The following NKD1 variants were observed in gnomAD, a reference collection of about 807,000 sequenced individuals.
NKD1 encodes protein naked cuticle homolog 1.
Under a neutral mutation model 56.0 loss-of-function variants are expected in NKD1, and 21 were observed. That is an observed-to-expected ratio of 0.38 (90% confidence interval 0.27 to 0.54). NKD1 has a LOEUF of 0.54. NKD1 is among the 20% of genes least tolerant of loss of function. The pLI is 0.82. For synonymous variants in NKD1, 263 were observed against 265.7 expected (o/e 0.99, Z 0.10); for missense variants, 578 against 642.7 (o/e 0.90, Z 1.09).
At chr16:50,601,369 G>T (rs1002244457) in intron 3 of NKD1, among the ~76,000 whole-genome samples, 1 of 152,224 alleles carries the variant, frequency 6.6e-6, no homozygotes, top group East Asian at 1.9e-4. Flanking sequence ...TTCTGTGACC[G>T]TCCCATCGGT....
intron 3 of NKD1, among the ~76,000 whole-genome samples, chr16:50,554,270 C>T (rs1050170352): frequency 6.6e-6 from 1 of 152,156 alleles, no homozygotes; most frequent in Admixed American, 6.5e-5. Flanking sequence ...GGGATGTTTC[C>T]TCTGCTCGCC....
At chr16:50,572,574 G>A (rs956428172) in intron 3 of NKD1, among the ~76,000 whole-genome samples, 14 of 152,084 alleles carry the variant, frequency 9.2e-5, no homozygotes, top group South Asian at 2.1e-4. Context: ...TGTCTGCTCC[G>A]CCCTGTCTTT....
rs1429446984 is a variant in NKD1 at position 50,548,412 on chromosome 16, C to CG, written c.-140dup. 3 of 323,524 alleles carry CG rather than the reference C, an allele frequency of 9.3e-6. No individual in the cohort carries two copies. The East Asian group carries it at 2.4e-4, about 26-fold the overall frequency. 20.0% of individuals were successfully genotyped at this position (323,524 alleles called of 1,614,324 possible). The stretch of plus-strand genomic sequence containing the variant: ...CCGGGCGTCAGTCGGGCCGCGGCGA[C>CG]GGCGGCAGGAGCGCGTCCCGGCGCC... On this transcript the variant is annotated 5_prime_UTR_variant, in exon 1 of 10. Transcript: ENST00000268459.
chr16:50,634,418 G>A lies in NKD1; in HGVS notation c.*637G>A, dbSNP rs1421757088. The A allele has an allele frequency of 2.0e-5, 3 of 152,400 alleles. No homozygotes were observed. The highest frequency in any genetic ancestry group is 4.4e-5 in the Non-Finnish European group (3 of 68,022). 9.4% of individuals were successfully genotyped at this position (152,400 alleles called of 1,614,324 possible). A position where few individuals can be genotyped will look rare whatever the true frequency, so the allele number is the denominator to read the frequency against. ...CCAAGAGTCCCATCTCTTCTGCCAT[G>A]CACGACATGAAAATCCACTTCTCTT... On this transcript the variant is annotated 3_prime_UTR_variant, in exon 10 of 10. Coordinates refer to ENST00000268459, the MANE Select transcript of NKD1 (RefSeq NM_033119.5).
rs146551004 is a variant in NKD1, at chr16:50,584,530, A to T, written c.193-23764A>T. On this transcript the variant is annotated intron_variant, in intron 3 of 9. Coordinates refer to ENST00000268459, the MANE Select transcript of NKD1 (RefSeq NM_033119.5). ...CTTTCCAAATGTGTAACTTTGGGGC[A>T]TTATTTAACCTGTGCCTCAGTTTTC... Among the ~76,000 whole-genome samples the T allele has an allele frequency of 5.6e-4, 85 of 152,324 alleles. No individual in the cohort carries two copies. The East Asian group carries it at 0.016, about 29-fold the overall frequency.
At chr16:50,556,195 C>T (rs1277562992) in intron 3 of NKD1, 1 of 152,290 alleles carries the variant, frequency 6.6e-6, no homozygotes, top group Non-Finnish European at 1.5e-5. Context: ...GATGGCTGAG[C>T]TCCTCCAGGG....
chr16:50,551,298 G>C lies in NKD1; in HGVS notation c.192+1743G>C, dbSNP rs1025692960. Among the ~76,000 whole-genome samples the C allele has an allele frequency of 2.0e-5, 3 of 152,324 alleles. No homozygotes were observed. The South Asian group carries it at 6.2e-4, about 32-fold the overall frequency. On this transcript the variant is annotated intron_variant, in intron 3 of 9. Coordinates refer to ENST00000268459, the MANE Select transcript of NKD1 (RefSeq NM_033119.5). ...TTTGGTGAAGTCACGGAATTCTGTT[G>C]CCTAGTTTCTTCCCCCAGCTGAGGA...
In NKD1 at chr16:50,633,672, T is replaced by C. The variant is rs1451551681; in HGVS notation, c.1304T>C (p.Leu435Pro). The C allele has an allele frequency of 2.5e-6, 4 of 1,602,062 alleles. No homozygotes were observed. The highest frequency in any genetic ancestry group is 3.4e-6 in the Non-Finnish European group (4 of 1,175,020). Residue 435 changes from leucine to proline, a missense_variant, in exon 10 of 10, where the codon CTG becomes CCG. Coordinates refer to ENST00000268459, the MANE Select transcript of NKD1 (RefSeq NM_033119.5). The surrounding 1 kb of genome is among the most constrained non-coding windows in gnomAD (Gnocchi z 4.9). The stretch of plus-strand genomic sequence containing the variant: ...CTGGGGCGGGAGCACCTGCGGGAGC[T>C]GCCCGCCTTGGTGGTGTATGAGAGC... ...PVLGREHLRE[L>P]PALVVYESQA... is the part of the protein sequence containing the mutation.
Position 50,630,842 on chromosome 16 carries a change from G to C in NKD1, c.627G>C (p.Arg209Ser). 2 of 1,604,800 alleles carry C rather than the reference G, an allele frequency of 1.2e-6. No homozygotes were observed. Among genetic ancestry groups the C allele is most frequent in the Non-Finnish European group, 1.7e-6 (2 of 1,176,264 alleles). ...CGGACTCAGACCTGCAGAGCGCAAG[G>C]CCCCGAGCAGAGACCAAGCCCACTG... ...LVNQADLQSA[R>S]PRAETKPTED... Residue 209 changes from arginine to serine, a missense_variant, in exon 8 of 10, where the codon AGG becomes AGC. Coordinates refer to ENST00000268459, the MANE Select transcript of NKD1 (RefSeq NM_033119.5).
chr16:50,625,500 G>A lies in NKD1; in HGVS notation c.382G>A (p.Val128Met), dbSNP rs749813334. Residue 128 changes from valine (V) to methionine (M), a missense_variant, in exon 6 of 10, where the codon GTG (valine) becomes ATG (methionine). Val to Met is a conservative substitution (Grantham distance 21). Transcript: ENST00000268459. ...QLKFEELQCDVSMEEDSRQEW... is the reference protein window; with the variant it reads ...QLKFEELQCDMSMEEDSRQEW... The stretch of plus-strand genomic sequence containing the variant: ...CTGCATCCAGGAGCTCCAGTGCGAC[G>A]TGTCCATGGAGGAGGACAGCCGGCA... 40 of 1,612,354 alleles carry A rather than the reference G, an allele frequency of 2.5e-5. No homozygotes were observed. The highest frequency in any genetic ancestry group is 1.6e-4 in the Middle Eastern group (1 of 6,082).
chr16:50,553,068 G>A (rs567159425), intron 3 of NKD1, among the ~76,000 whole-genome samples: 4 of 152,330 alleles, frequency 2.6e-5, no homozygotes, highest in Non-Finnish European at 5.9e-5. Flanking sequence ...AGCAAAATAA[G>A]CATCATAAAC....
At chr16:50,596,082 C>T (rs1486894209) in intron 3 of NKD1, among the ~76,000 whole-genome samples, 2 of 152,232 alleles carry the variant, frequency 1.3e-5, no homozygotes, top group Admixed American at 6.5e-5. Context: ...CTGCATTACA[C>T]AGCCCCTGGC....
intron 3 of NKD1, among the ~76,000 whole-genome samples, chr16:50,554,785 A>G (rs1303214504): frequency 1.3e-5 from 2 of 152,078 alleles, no homozygotes; most frequent in Middle Eastern, 3.4e-3. Flanking sequence ...TGTCCGGCTA[A>G]TTCATTTTTA....
chr16:50,576,618 T>C (rs908323592), intron 3 of NKD1, among the ~76,000 whole-genome samples: 1 of 152,060 alleles, frequency 6.6e-6, no homozygotes, highest in Admixed American at 6.6e-5. Context: ...CTTGGGGAGA[T>C]TGTGGGTATG....
intron 3 of NKD1, chr16:50,555,763 C>T (rs1482141207): frequency 6.6e-6 from 1 of 152,182 alleles, no homozygotes; most frequent in Non-Finnish European, 1.5e-5. Flanking sequence ...CCTGCAGCCC[C>T]ATGGCTGCGA....
In NKD1 at chr16:50,632,425, C is replaced by T; in HGVS notation, c.823+17C>T. On this transcript the variant is annotated intron_variant, in intron 9 of 9. Coordinates refer to ENST00000268459, the MANE Select transcript of NKD1 (RefSeq NM_033119.5). This position sits in a 1 kb window ranked among gnomAD's most constrained non-coding sequence, Gnocchi z 4.1. ...TTGGGCCTGGTAAGGGACTCAAGCACCCTGCAATGGGCGATGAGGGCAGGG... is the reference window on the plus strand; with the variant it reads ...TTGGGCCTGGTAAGGGACTCAAGCATCCTGCAATGGGCGATGAGGGCAGGG... The T allele has an allele frequency of 6.2e-7, 1 of 1,614,026 alleles. No homozygotes were observed.
intron 3 of NKD1, among the ~76,000 whole-genome samples, chr16:50,580,621 A>G (rs1961097495): frequency 6.6e-6 from 1 of 152,260 alleles, no homozygotes; most frequent in Non-Finnish European, 1.5e-5. Context: ...TCTAGCTCCC[A>G]GGAATGTTTT....
rs556210496 is a variant in NKD1 at position 50,632,489 on chromosome 16, T to G, written c.823+81T>G. On this transcript the variant is annotated intron_variant, in intron 9 of 9. Transcript: ENST00000268459. This position sits in a 1 kb window ranked among gnomAD's most constrained non-coding sequence, Gnocchi z 4.1. ...GCCAGGCGGGCCGTGCGGGTGGTGT[T>G]CACTGCTACCCCAGGCTTCGGTAAG... is the stretch of plus-strand genomic sequence containing the variant. 3.5e-6 allele frequency: 5 copies of G among 1,414,260 alleles called. No homozygotes were observed. Among genetic ancestry groups the G allele is most frequent in the Non-Finnish European group, 5.0e-6 (5 of 1,005,042 alleles). 87.6% of individuals were successfully genotyped at this position (1,414,260 alleles called of 1,614,324 possible).
At position 50,623,952 on chromosome 16, in the gene NKD1, G is replaced by A. The variant is rs913927110; in HGVS notation, c.367-1533G>A. ...AGGGCCCTTGGCAGTTATCAAACGG[G>A]TGTGGCTGAAGCAAGGTTGGCTTTG... On this transcript the variant is annotated intron_variant, in intron 5 of 9. Coordinates refer to ENST00000268459, the MANE Select transcript of NKD1 (RefSeq NM_033119.5). This position sits in a 1 kb window ranked among gnomAD's most constrained non-coding sequence, Gnocchi z 4.1. 6.6e-6 allele frequency among the ~76,000 whole-genome samples: 1 copy of A among 152,142 alleles called. No homozygotes were observed. Among genetic ancestry groups the A allele is most frequent in the African/African-American group, 2.4e-5 (1 of 41,412 alleles).
Sources: gnomAD v4.1 joint callset for allele counts (sites outside exome capture counted in the v4.1 genomes callset) on GRCh38, gnomAD v4.1.1 for gene constraint, Gnocchi (gnomAD v3.1) non-coding constraint, MANE v1.5 for transcripts, NCBI Gene and HGNC (gene_info 2026-07-23, HGNC 2026-07-21) for gene names.